ABCC2: variants seen among roughly 807,000 people sequenced by gnomAD.
The protein encoded by ABCC2 is ATP binding cassette subfamily C member 2, also known as ATP-binding cassette sub-family C member 2.
In ABCC2, 157 loss-of-function variants were observed where a neutral mutation model predicts 173.4. The observed-to-expected ratio is 0.91, with a 90% CI of 0.80 to 1.03. The LOEUF (loss-of-function observed/expected upper bound fraction) is 1.03. ABCC2 is among the 50% of genes least tolerant of loss of function. The pLI, the probability that ABCC2 is intolerant of heterozygous loss-of-function variation, is 0.00. For synonymous variants in ABCC2, 657 were observed against 693.5 expected (o/e 0.95, Z 0.83); for missense variants, 1,822 against 1,852.3 (o/e 0.98, Z 0.30).
chr10:99,819,381 T>G, intron 19 of ABCC2, 112 bp downstream of exon 19: 2 of 1,028,164 alleles, frequency 1.9e-6, no homozygotes, highest in East Asian at 4.9e-5. Context: ...GGAAGCAAAC[T>G]ACCCAGAGAT....
chr10:99,833,708 G>T (rs2038775118), intron 23 of ABCC2, among the ~76,000 whole-genome samples: 1 of 152,154 alleles, frequency 6.6e-6, no homozygotes, highest in Non-Finnish European at 1.5e-5. Context: ...GAGCTTTCCT[G>T]GAAGACCATT....
At chr10:99,848,491 C>T (rs901532618) in intron 30 of ABCC2, among the ~76,000 whole-genome samples, 10 of 152,066 alleles carry the variant, frequency 6.6e-5, no homozygotes, top group African/African-American at 1.5e-4. Context: ...GGGAATAGGC[C>T]GTTGGCAAGT....
At chr10:99,814,590 CAT>C (rs1305121192) in intron 16 of ABCC2, among the ~76,000 whole-genome samples, 2 of 93,936 alleles carry the variant, frequency 2.1e-5, no homozygotes, top group Admixed American at 2.4e-4. Context: ...TGTATATACA[CAT>C]ATACACACAC....
chr10:99,821,522 G>T (rs1306719648), intron 19 of ABCC2, among the ~76,000 whole-genome samples: 1 of 152,102 alleles, frequency 6.6e-6, no homozygotes, highest in African/African-American at 2.4e-5. Flanking sequence ...CAGTTTTTGT[G>T]TCCCTGGGTA....
chr10:99,831,637 C>T lies in ABCC2; in HGVS notation c.2910C>T (p.Tyr970=). The part of the protein sequence containing the change: ...GKVKFSIYLE[Y]LQAIGLFSIF... ...TGAAGTTCTCCATCTACCTGGAGTA[C>T]CTACAAGCAATAGGATTGTTTTCGA... Residue 970 remains tyrosine, a synonymous_variant, in exon 22 of 32, where the codon TAC becomes TAT. Coordinates refer to ENST00000647814, the MANE Select transcript of ABCC2 (RefSeq NM_000392.5). 1 of 1,614,148 alleles carries T rather than the reference C, an allele frequency of 6.2e-7. No homozygotes were observed. The highest frequency in any genetic ancestry group is 8.5e-7 in the Non-Finnish European group (1 of 1,180,020).
intron 11 of ABCC2, among the ~76,000 whole-genome samples, chr10:99,806,873 G>A (rs568275990): frequency 6.6e-6 from 1 of 152,282 alleles, no homozygotes; most frequent in Non-Finnish European, 1.5e-5. Context: ...TTAACTCCTT[G>A]TTAATTCTCC....
intron 27 of ABCC2, 128 bp from the exon 28 acceptor site, chr10:99,844,194 A>G (rs2038983786): frequency 6.9e-6 from 8 of 1,160,420 alleles, no homozygotes; most frequent in Non-Finnish European, 1.0e-5. Context: ...CAGCCTATTA[A>G]ATGCAGAGGC....
intron 16 of ABCC2, among the ~76,000 whole-genome samples, chr10:99,813,402 G>C (rs1284985797): frequency 6.6e-6 from 1 of 152,166 alleles, no homozygotes; most frequent in Non-Finnish European, 1.5e-5. Context: ...CTGCTGATTA[G>C]AGAGGTCTTC....
In ABCC2 at chr10:99,814,153, G is replaced by GTGTA. The variant is rs1554850499; in HGVS notation, c.2094+1010_2094+1011insGTAT. 6.1e-3 allele frequency among the ~76,000 whole-genome samples: 172 copies of GTGTA among 28,212 alleles called. 27 individuals carry two copies. The highest frequency in any genetic ancestry group is 0.028 in the Middle Eastern group (1 of 36). 18.5% of individuals were successfully genotyped at this position (28,212 alleles called of 152,430 possible). ...TGTGTGTATATATACACACATGTAT[G>GTGTA]TATACACACGTATATATACACACAT... On this transcript the variant is annotated intron_variant, in intron 16 of 31. Coordinates refer to ENST00000647814, the MANE Select transcript of ABCC2 (RefSeq NM_000392.5).
intron 17 of ABCC2, among the ~76,000 whole-genome samples, chr10:99,818,253 G>A (rs1381153606): frequency 6.6e-6 from 1 of 151,824 alleles, no homozygotes; most frequent in Non-Finnish European, 1.5e-5. Flanking sequence ...TGACTGTATT[G>A]TATTTATTAT....
chr10:99,808,453 A>C (rs968769157), intron 13 of ABCC2, among the ~76,000 whole-genome samples: 8 of 152,180 alleles, frequency 5.3e-5, no homozygotes, highest in African/African-American at 1.9e-4. Context: ...AATCTCATCT[A>C]CCTCACAGGG....
At chr10:99,814,106 C>T (rs67797306) in intron 16 of ABCC2, among the ~76,000 whole-genome samples, 28,879 of 62,636 alleles carry the variant, frequency 0.46, 7,670 homozygotes, top group Middle Eastern at 0.57. Context: ...TATATACACA[C>T]ATATGTGTAT....
At chr10:99,836,311 T>C (rs1590186072) in intron 25 of ABCC2, 21 bp downstream of exon 25, 2 of 1,611,946 alleles carry the variant, frequency 1.2e-6, no homozygotes, top group Non-Finnish European at 1.7e-6. Context: ...CCCTGGGTAT[T>C]TACCCATGTG....
At chr10:99,808,946 G>T (rs2133036173) in intron 13 of ABCC2, among the ~76,000 whole-genome samples, 1 of 152,322 alleles carries the variant, frequency 6.6e-6, no homozygotes, top group South Asian at 2.1e-4. Flanking sequence ...GGCAGATTTG[G>T]CAGGTAAAGA....
Position 99,808,116 on chromosome 10 carries a change from G to A in ABCC2, c.1702G>A (p.Val568Met), listed in dbSNP as rs780092108. 1.2e-6 allele frequency: 2 copies of A among 1,614,054 alleles called. No individual in the cohort carries two copies. The highest frequency in any genetic ancestry group is 1.7e-5 in the Admixed American group (1 of 60,008). ...GGTCACATTTTCTGTTTATGTCCTG[G>A]TGGATAGCAACAATATTTTGGATGC... ...SVVTFSVYVL[V>M]DSNNILDAQK... Residue 568 changes from valine to methionine, a missense_variant, in exon 13 of 32, where the codon GTG becomes ATG. By Grantham distance (21) the Val-to-Met change is conservative. Coordinates refer to ENST00000647814, the MANE Select transcript of ABCC2 (RefSeq NM_000392.5).
chr10:99,800,879 G>T (rs1280215538), intron 9 of ABCC2, among the ~76,000 whole-genome samples: 1 of 152,212 alleles, frequency 6.6e-6, no homozygotes, highest in Non-Finnish European at 1.5e-5. Flanking sequence ...TCTTGACAAG[G>T]TGAAATGCCT....
intron 12 of ABCC2, 43 bp from the exon 13 acceptor site, chr10:99,808,040 G>C (rs376339043): frequency 1.9e-6 from 3 of 1,609,320 alleles, no homozygotes; most frequent in African/African-American, 1.3e-5. Flanking sequence ...ATGCTGCTTG[G>C]TCCCTTTTAG....
intron 4 of ABCC2, 69 bp downstream of exon 4, chr10:99,793,754 A>G: frequency 6.2e-7 from 1 of 1,605,040 alleles, no homozygotes; most frequent in African/African-American, 1.3e-5. Flanking sequence ...AGTAAATGGC[A>G]TCAAGTTGAG....
At chr10:99,807,052 C>T (rs1590156703) in intron 11 of ABCC2, among the ~76,000 whole-genome samples, 1 of 152,346 alleles carries the variant, frequency 6.6e-6, no homozygotes, top group East Asian at 1.9e-4. Flanking sequence ...AATAACTCTA[C>T]AAATGTAAGG....
Sources: gnomAD v4.1 joint callset for allele counts (sites outside exome capture counted in the v4.1 genomes callset) on GRCh38, gnomAD v4.1.1 for gene constraint, MANE v1.5 for transcripts, NCBI Gene and HGNC (gene_info 2026-07-23, HGNC 2026-07-21) for gene names.